Variants in LMBR1 observed in about 807,000 individuals in gnomAD.
The protein encoded by LMBR1 is limb region 1 protein homolog.
Under a neutral mutation model 73.9 loss-of-function variants are expected in LMBR1, and 52 were observed. That is an observed-to-expected ratio of 0.70 (90% CI 0.56 to 0.89). LMBR1 has a LOEUF of 0.89. Ranked by LOEUF, LMBR1 falls within the 40% of genes least tolerant of loss-of-function variation. The pLI is 0.00. For missense variants in LMBR1, 539 were observed against 579.8 expected (o/e 0.93, Z 0.72); for synonymous variants, 215 against 209.4 (o/e 1.03, Z -0.23).
chr7:156,859,265 A>C (rs1359594959), intron 1 of LMBR1, among the ~76,000 whole-genome samples: 1 of 147,188 alleles, frequency 6.8e-6, no homozygotes, highest in Non-Finnish European at 1.5e-5. Context: ...AAAAAAAAAC[A>C]CTAGAATCTT....
At chr7:156,762,427 T>A (rs949993865) in intron 7 of LMBR1, among the ~76,000 whole-genome samples, 1 of 152,120 alleles carries the variant, frequency 6.6e-6, no homozygotes, top group African/African-American at 2.4e-5. Flanking sequence ...ATGAAAGATA[T>A]GTGACAACAA....
intron 15 of LMBR1, among the ~76,000 whole-genome samples, chr7:156,722,779 G>C (rs1300379263): frequency 6.6e-6 from 1 of 152,012 alleles, no homozygotes; most frequent in Non-Finnish European, 1.5e-5. Context: ...CCTTCAAAAA[G>C]TAAATTTTAC....
chr7:156,703,201 C>T (rs953408325), intron 15 of LMBR1, among the ~76,000 whole-genome samples: 4 of 152,206 alleles, frequency 2.6e-5, no homozygotes, highest in Admixed American at 2.6e-4. Flanking sequence ...CATTCTTGAT[C>T]TTAGCTGCTC....
intron 4 of LMBR1, among the ~76,000 whole-genome samples, chr7:156,803,525 G>T (rs1831403017): frequency 6.6e-6 from 1 of 152,206 alleles, no homozygotes; most frequent in Non-Finnish European, 1.5e-5. Context: ...AGGATGTGGA[G>T]AAATAGGAAC....
chr7:156,800,482 C>CAAAAAAAAAAAAAAAAAAAAAAAAA (rs1245017996), intron 4 of LMBR1, among the ~76,000 whole-genome samples: 3 of 81,034 alleles, frequency 3.7e-5, no homozygotes, highest in East Asian at 3.9e-4. Flanking sequence ...ACTTGCTACT[C>CAAAAAAAAAAAAAAAAAAAAAAAAA]AAAAAAAAAA....
At chr7:156,760,900 T>C (rs986211296) in intron 8 of LMBR1, among the ~76,000 whole-genome samples, 2 of 152,162 alleles carry the variant, frequency 1.3e-5, no homozygotes, top group African/African-American at 2.4e-5. Context: ...GTATTACTAG[T>C]GAGACAGAAA....
At chr7:156,880,395 G>C (rs1181254996) in intron 1 of LMBR1, among the ~76,000 whole-genome samples, 1 of 152,082 alleles carries the variant, frequency 6.6e-6, no homozygotes, top group East Asian at 1.9e-4. Flanking sequence ...ACTGGATTCA[G>C]TGTATACTGC....
At chr7:156,710,442 A>G (rs530592134) in intron 15 of LMBR1, among the ~76,000 whole-genome samples, 65 of 152,310 alleles carry the variant, frequency 4.3e-4, no homozygotes, top group African/African-American at 1.4e-3. Context: ...GCTCAAAAAC[A>G]AGGCTTTCAA....
At chr7:156,864,671 TAGCA>T (rs1798199061) in intron 1 of LMBR1, among the ~76,000 whole-genome samples, 2 of 152,188 alleles carry the variant, frequency 1.3e-5, no homozygotes, top group Admixed American at 1.3e-4. Context: ...TTTCTAAACC[TAGCA>T]ATAAGCAATC....
chr7:156,868,724 G>T (rs1798835655), intron 1 of LMBR1, among the ~76,000 whole-genome samples: 2 of 151,280 alleles, frequency 1.3e-5, no homozygotes, highest in Admixed American at 6.6e-5. Context: ...CCAACACTTT[G>T]GGAAGCCAAC....
intron 4 of LMBR1, among the ~76,000 whole-genome samples, chr7:156,812,701 G>T (rs753655878): frequency 2.2e-4 from 33 of 152,332 alleles, no homozygotes; most frequent in Non-Finnish European, 3.8e-4. Flanking sequence ...CACCAGTTTA[G>T]TAAGGTTTTA....
chr7:156,806,209 C>T (rs1832040641), intron 4 of LMBR1, among the ~76,000 whole-genome samples: 3 of 152,092 alleles, frequency 2.0e-5, no homozygotes, highest in Admixed American at 2.0e-4. Flanking sequence ...TCTCACGCAT[C>T]CCTAAGTATT....
At chr7:156,848,268 A>G (rs571717544) in intron 1 of LMBR1, among the ~76,000 whole-genome samples, 1 of 152,340 alleles carries the variant, frequency 6.6e-6, no homozygotes, top group East Asian at 1.9e-4. Context: ...GTACAACTAA[A>G]GAAATATCAA....
chr7:156,855,666 C>T (rs201312876), intron 1 of LMBR1, among the ~76,000 whole-genome samples: 2 of 87,298 alleles, frequency 2.3e-5, no homozygotes, highest in African/African-American at 9.0e-5. Context: ...AACGTAAATA[C>T]AAAAAAAAAA....
intron 15 of LMBR1, among the ~76,000 whole-genome samples, chr7:156,718,838 T>A (rs1246882311): frequency 1.3e-5 from 2 of 152,074 alleles, no homozygotes; most frequent in African/African-American, 4.8e-5. Context: ...TTGTAACATT[T>A]TAACTGTAAC....
At chr7:156,752,685 A>T (rs1191886583) in intron 9 of LMBR1, among the ~76,000 whole-genome samples, 1 of 152,196 alleles carries the variant, frequency 6.6e-6, no homozygotes, top group Non-Finnish European at 1.5e-5. Context: ...GTGGAGAGTA[A>T]GGTGAAGATC....
chr7:156,770,708 G>A (rs1193361315), intron 5 of LMBR1, among the ~76,000 whole-genome samples: 2 of 152,072 alleles, frequency 1.3e-5, no homozygotes, highest in Non-Finnish European at 2.9e-5. Flanking sequence ...GAGCCCAGAA[G>A]TTCAAGACCA....
chr7:156,679,093 T>C lies in LMBR1; in HGVS notation c.*4985A>G, dbSNP rs376024654. 3.3e-5 allele frequency: 5 copies of C among 152,236 alleles called. No individual in the cohort carries two copies. Among genetic ancestry groups the C allele is most frequent in the African/African-American group, 9.6e-5 (4 of 41,452 alleles). 9.4% of individuals were successfully genotyped at this position (152,236 alleles called of 1,614,324 possible). On this transcript the variant is annotated 3_prime_UTR_variant, in exon 17 of 17. Transcript: ENST00000353442. ...TGTACTGGCCTGTATTTACATCCAG[T>C]TCATCTGCCCACTGTAAGCGTGACC...
intron 5 of LMBR1, among the ~76,000 whole-genome samples, chr7:156,767,934 C>T (rs1585663628): frequency 6.6e-6 from 1 of 151,946 alleles, no homozygotes; most frequent in African/African-American, 2.4e-5. Context: ...GGTTTAAATA[C>T]AGAAGAATGC....
Sources: allele counts gnomAD v4.1 joint callset (sites outside exome capture counted in the v4.1 genomes callset), GRCh38; gene constraint gnomAD v4.1.1; transcripts MANE v1.5; gene names NCBI Gene and HGNC (gene_info 2026-07-23, HGNC 2026-07-21).